RARB: variants seen among roughly 807,000 people sequenced by gnomAD.
The protein encoded by RARB is retinoic acid receptor beta.
In RARB, 17 loss-of-function variants were observed where a neutral mutation model predicts 51.9. That is an observed-to-expected ratio of 0.33 (90% CI 0.22 to 0.49). The LOEUF is 0.49. Among genes scored for constraint, RARB ranks in the 20% least tolerant of loss-of-function variants. The probability of loss-of-function intolerance (pLI) is 0.99; values close to 1 mark genes in which losing one functional copy is unlikely to be tolerated. For missense variants in RARB, 369 were observed against 550.8 expected (o/e 0.67, Z 3.30); for synonymous variants, 215 against 195.4 (o/e 1.10, Z -0.84).
chr3:24,921,280 A>T (rs1458533448), intron 2 of RARB, among the ~76,000 whole-genome samples: 1 of 152,012 alleles, frequency 6.6e-6, no homozygotes, highest in Non-Finnish European at 1.5e-5. Flanking sequence ...ACATACTTTT[A>T]TTCTGTAGCT....
At chr3:25,035,091 C>T (rs1199380410) in intron 2 of RARB, among the ~76,000 whole-genome samples, 4 of 152,062 alleles carry the variant, frequency 2.6e-5, no homozygotes, top group Non-Finnish European at 5.9e-5. Context: ...TTTATTTAAC[C>T]CTTATCACAT....
chr3:25,556,927 T>C (rs1422298843), intron 3 of RARB, among the ~76,000 whole-genome samples: 2 of 152,240 alleles, frequency 1.3e-5, no homozygotes, highest in Non-Finnish European at 2.9e-5. Context: ...CTCTCATCTT[T>C]GCATTTCAAA....
At chr3:25,343,694 T>A (rs2125452489) in intron 5 of RARB, among the ~76,000 whole-genome samples, 1 of 152,232 alleles carries the variant, frequency 6.6e-6, no homozygotes, top group African/African-American at 2.4e-5. Context: ...TTCTAAGAGG[T>A]ATATGGTTTG....
At chr3:25,223,244 T>C (rs185928251) in intron 5 of RARB, among the ~76,000 whole-genome samples, 1 of 152,240 alleles carries the variant, frequency 6.6e-6, no homozygotes, top group Non-Finnish European at 1.5e-5. Flanking sequence ...GTCATACATA[T>C]GGAATTATAC....
At chr3:24,872,882 C>G (rs1702973821) in intron 2 of RARB, among the ~76,000 whole-genome samples, 1 of 152,160 alleles carries the variant, frequency 6.6e-6, no homozygotes, top group African/African-American at 2.4e-5. Flanking sequence ...CCTTACTCAT[C>G]CCTGCGCGTT....
intron 3 of RARB, among the ~76,000 whole-genome samples, chr3:25,528,729 G>A (rs867425030): frequency 7.4e-6 from 1 of 135,188 alleles, no homozygotes; most frequent in Non-Finnish European, 1.5e-5. Context: ...GCTGCCTTAG[G>A]AGAAAAAAGA....
chr3:25,501,154 G>GT, intron 2 of RARB, 28 bp from the exon 3 acceptor site: 1 of 1,559,466 alleles, frequency 6.4e-7, no homozygotes. Flanking sequence ...GCTTTACTGA[G>GT]TTTTTTCATC....
intron 2 of RARB, among the ~76,000 whole-genome samples, chr3:25,023,503 G>GA (rs1388458068): frequency 9.1e-5 from 2 of 21,892 alleles, no homozygotes; most frequent in South Asian, 1.8e-3. Context: ...CGACGCAGCT[G>GA]AGTTTGCTTC....
At chr3:25,333,292 G>A (rs1313435121) in intron 5 of RARB, among the ~76,000 whole-genome samples, 1 of 152,172 alleles carries the variant, frequency 6.6e-6, no homozygotes, top group Non-Finnish European at 1.5e-5. Context: ...CAAGGCTACA[G>A]TAACCAAAAC....
At chr3:25,584,120 G>A (rs900003127) in intron 5 of RARB, among the ~76,000 whole-genome samples, 2 of 152,094 alleles carry the variant, frequency 1.3e-5, no homozygotes, top group Non-Finnish European at 1.5e-5. Flanking sequence ...GTCAGACTTC[G>A]GTTTCTCTGC....
At chr3:25,106,458 GTTTTTTTTTGTTTT>G (rs1699504780) in intron 3 of RARB, among the ~76,000 whole-genome samples, 29 of 107,784 alleles carry the variant, frequency 2.7e-4, no homozygotes, top group Non-Finnish European at 2.6e-4. Context: ...TTTGTTTTTT[GTTTTTTTTTGTTTT>G]GTTTTTTTTT....
chr3:25,272,603 A>G (rs1056721292), intron 5 of RARB, among the ~76,000 whole-genome samples: 1 of 152,236 alleles, frequency 6.6e-6, no homozygotes, highest in Non-Finnish European at 1.5e-5. Flanking sequence ...TCCTGTCTCC[A>G]TAAATTCTTT....
At chr3:25,200,065 G>T (rs961452246) in intron 5 of RARB, among the ~76,000 whole-genome samples, 6 of 152,136 alleles carry the variant, frequency 3.9e-5, no homozygotes, top group Admixed American at 3.9e-4. Context: ...CCCACCAGCA[G>T]TGTAAAAGTA....
chr3:25,196,319 T>C (rs1701235239), intron 5 of RARB, among the ~76,000 whole-genome samples: 1 of 151,786 alleles, frequency 6.6e-6, no homozygotes, highest in Non-Finnish European at 1.5e-5. Context: ...GAACATGTAG[T>C]GTTTGGTTTT....
intron 3 of RARB, among the ~76,000 whole-genome samples, chr3:25,070,101 A>G (rs865871685): frequency 6.6e-6 from 1 of 152,134 alleles, no homozygotes; most frequent in African/African-American, 2.4e-5. Flanking sequence ...TTTGGCAGGA[A>G]CCTATTGGGT....
chr3:24,894,967 G>A (rs1208431991), intron 2 of RARB, among the ~76,000 whole-genome samples: 1 of 152,214 alleles, frequency 6.6e-6, no homozygotes, highest in Non-Finnish European at 1.5e-5. Flanking sequence ...AAGAACATAT[G>A]TGGAAAAACC....
At position 25,456,359 on chromosome 3, in the gene RARB, C is replaced by CA. The variant is rs376112606; in HGVS notation, c.158-4827dup. Among the ~76,000 whole-genome samples the CA allele has an allele frequency of 2.9e-3, 444 of 151,380 alleles. 5 individuals carry two copies. Among genetic ancestry groups the CA allele is most frequent in the African/African-American group, 0.01 (424 of 41,336 alleles). On this transcript the variant is annotated intron_variant, in intron 1 of 7. Transcript: ENST00000330688. ...GACTTTCTTGGGGGGTGGAGGAAGG[C>CA]AAAAAAAGAAAAGGACCTCTGATAA...
At chr3:25,160,583 G>A (rs1700458368) in intron 4 of RARB, among the ~76,000 whole-genome samples, 1 of 152,222 alleles carries the variant, frequency 6.6e-6, no homozygotes, top group Non-Finnish European at 1.5e-5. Context: ...TAATTGGTCA[G>A]TATTTGTGGC....
chr3:25,410,845 G>A (rs889227385), intron 5 of RARB, among the ~76,000 whole-genome samples: 1 of 152,120 alleles, frequency 6.6e-6, no homozygotes, highest in African/African-American at 2.4e-5. Context: ...CCCAATTCCT[G>A]CTCGCTGCCC....
Sources: allele counts gnomAD v4.1 joint callset (sites outside exome capture counted in the v4.1 genomes callset), GRCh38; gene constraint gnomAD v4.1.1; transcripts MANE v1.5; gene names NCBI Gene and HGNC (gene_info 2026-07-23, HGNC 2026-07-21).